The following KCTD16 variants were observed in gnomAD, a reference collection of about 807,000 sequenced individuals.
KCTD16 encodes potassium channel tetramerization domain containing 16.
Under a neutral mutation model 33.2 loss-of-function variants are expected in KCTD16, and 13 were observed. The ratio of observed to expected loss-of-function variants is 0.39; its 90% CI spans 0.25 to 0.62. KCTD16 has a LOEUF of 0.62. Ranked by LOEUF, KCTD16 falls within the 20% of genes least tolerant of loss-of-function variation. KCTD16 has a pLI of 0.50. For missense variants in KCTD16, 441 were observed against 525.1 expected (o/e 0.84, Z 1.57); for synonymous variants, 197 against 195.3 (o/e 1.01, Z -0.07).
At chr5:144,221,641 C>G (rs1239278936) in intron 3 of KCTD16, among the ~76,000 whole-genome samples, 1 of 152,154 alleles carries the variant, frequency 6.6e-6, no homozygotes, top group Non-Finnish European at 1.5e-5. Flanking sequence ...TGTATATGTG[C>G]CACATTTCTT....
At chr5:144,463,234 T>G (rs1754243337) in intron 3 of KCTD16, among the ~76,000 whole-genome samples, 2 of 152,142 alleles carry the variant, frequency 1.3e-5, no homozygotes, top group Non-Finnish European at 2.9e-5. Context: ...AGATATTAGT[T>G]AAGTGATATG....
intron 3 of KCTD16, among the ~76,000 whole-genome samples, chr5:144,233,672 C>T (rs914234385): frequency 6.6e-6 from 1 of 152,106 alleles, no homozygotes; most frequent in African/African-American, 2.4e-5. Flanking sequence ...AAATGGAATC[C>T]ATTGTTAGAG....
At chr5:144,299,094 A>ATTTTTTTTTT in intron 3 of KCTD16, among the ~76,000 whole-genome samples, 1 of 16,562 alleles carries the variant, frequency 6.0e-5, no homozygotes, top group Non-Finnish European at 1.2e-4. Flanking sequence ...ATATATCACT[A>ATTTTTTTTTT]TGTATATATA....
intron 3 of KCTD16, among the ~76,000 whole-genome samples, chr5:144,256,682 T>C (rs938684137): frequency 2.7e-4 from 41 of 151,566 alleles, no homozygotes; most frequent in Admixed American, 1.8e-3. Flanking sequence ...AGGGGTGCCA[T>C]CTTAATAGCA....
chr5:144,175,296 C>T (rs576134209), intron 2 of KCTD16, among the ~76,000 whole-genome samples: 2 of 152,226 alleles, frequency 1.3e-5, no homozygotes, highest in Admixed American at 6.5e-5. Context: ...AAATAGTAGA[C>T]TAGACATTTT....
At chr5:144,192,099 T>A (rs1171434814) in intron 2 of KCTD16, among the ~76,000 whole-genome samples, 1 of 152,152 alleles carries the variant, frequency 6.6e-6, no homozygotes, top group Non-Finnish European at 1.5e-5. Context: ...AGCTTAAGAC[T>A]TCACAAGTGG....
chr5:144,399,049 CT>C (rs1344768977), intron 3 of KCTD16, among the ~76,000 whole-genome samples: 1 of 152,142 alleles, frequency 6.6e-6, no homozygotes, highest in Non-Finnish European at 1.5e-5. Flanking sequence ...GAGCAATACA[CT>C]CATTTGTATT....
chr5:144,412,985 A>G (rs1425147400), intron 3 of KCTD16, among the ~76,000 whole-genome samples: 4 of 152,244 alleles, frequency 2.6e-5, no homozygotes, highest in Non-Finnish European at 4.4e-5. Flanking sequence ...CTAGAATAGA[A>G]TAATTTGAAT....
intron 3 of KCTD16, among the ~76,000 whole-genome samples, chr5:144,299,339 G>A (rs906148583): frequency 6.6e-6 from 1 of 151,056 alleles, no homozygotes; most frequent in Non-Finnish European, 1.5e-5. Context: ...TTTGCTGAAA[G>A]CATTTCTCTA....
chr5:144,464,453 G>A (rs1754270801), intron 3 of KCTD16, among the ~76,000 whole-genome samples: 1 of 152,178 alleles, frequency 6.6e-6, no homozygotes, highest in South Asian at 2.1e-4. Context: ...CTGAGGAGGG[G>A]AGGTACTAAT....
chr5:144,298,614 G>T (rs1233230951), intron 3 of KCTD16, among the ~76,000 whole-genome samples: 1 of 152,100 alleles, frequency 6.6e-6, no homozygotes, highest in East Asian at 1.9e-4. Flanking sequence ...AATTCCTTGG[G>T]AGGTGGTTTT....
At chr5:144,200,939 G>T (rs1341642419) in intron 2 of KCTD16, among the ~76,000 whole-genome samples, 1 of 152,118 alleles carries the variant, frequency 6.6e-6, no homozygotes, top group Admixed American at 6.6e-5. Flanking sequence ...GTAGAGACAG[G>T]GTCTTGCTGT....
chr5:144,330,735 A>G (rs1027552634), intron 3 of KCTD16, among the ~76,000 whole-genome samples: 2 of 152,152 alleles, frequency 1.3e-5, no homozygotes, highest in African/African-American at 2.4e-5. Context: ...TATTATCCCT[A>G]TTTTCCAGAT....
At chr5:144,427,991 T>G (rs1031125092) in intron 3 of KCTD16, among the ~76,000 whole-genome samples, 2 of 152,102 alleles carry the variant, frequency 1.3e-5, no homozygotes, top group Non-Finnish European at 2.9e-5. Flanking sequence ...TAGCACAGTA[T>G]CTGTCACAGA....
intron 3 of KCTD16, among the ~76,000 whole-genome samples, chr5:144,216,249 C>T (rs6580315): frequency 0.11 from 16,160 of 152,042 alleles, 962 homozygotes; most frequent in Middle Eastern, 0.18. Flanking sequence ...GAAATGAAAA[C>T]AAGACATTTT....
chr5:144,186,352 T>A (rs199942039), intron 2 of KCTD16, among the ~76,000 whole-genome samples: 1,717 of 23,960 alleles, frequency 0.072, 14 homozygotes, highest in African/African-American at 0.24. Flanking sequence ...TCATTTTTTT[T>A]AAAAAAAAAA....
At chr5:144,368,813 A>G (rs1751897330) in intron 3 of KCTD16, among the ~76,000 whole-genome samples, 1 of 152,202 alleles carries the variant, frequency 6.6e-6, no homozygotes, top group Non-Finnish European at 1.5e-5. Flanking sequence ...CACTGTAATC[A>G]TCAAGAGGCC....
intron 3 of KCTD16, among the ~76,000 whole-genome samples, chr5:144,252,841 C>T (rs7729387): frequency 1.3e-5 from 2 of 151,044 alleles, no homozygotes; most frequent in South Asian, 2.1e-4. Context: ...GAGCCTGGCT[C>T]TATCACATCA....
intron 3 of KCTD16, among the ~76,000 whole-genome samples, chr5:144,394,204 C>T (rs111502792): frequency 0.012 from 1,888 of 152,220 alleles, 38 homozygotes; most frequent in African/African-American, 0.043. Context: ...ACTGGGTGTC[C>T]ATTTTCTGCC....
Sources: allele counts gnomAD v4.1 joint callset (sites outside exome capture counted in the v4.1 genomes callset), GRCh38; gene constraint gnomAD v4.1.1; transcripts MANE v1.5; gene names NCBI Gene and HGNC (gene_info 2026-07-23, HGNC 2026-07-21).